CHAMP1: variants seen among roughly 807,000 people sequenced by gnomAD.
The protein encoded by CHAMP1 is chromosome alignment-maintaining phosphoprotein 1.
Under a neutral mutation model 54.5 loss-of-function variants are expected in CHAMP1, and 4 were observed. The observed-to-expected ratio is 0.07, with a 90% confidence interval of 0.04 to 0.17. CHAMP1 has a LOEUF of 0.17. CHAMP1 is among the 10% of genes least tolerant of loss of function. The pLI is 1.00. For synonymous variants in CHAMP1, 368 were observed against 342.2 expected, an observed-to-expected ratio of 1.08 and a Z score of -0.83; for missense variants, 994 against 968.6, an observed-to-expected ratio of 1.03 and a Z score of -0.35.
chr13:114,324,205 A>C lies in CHAMP1; in HGVS notation c.363A>C (p.Ser121=). Residue 121 remains serine (S), a synonymous_variant, in exon 3 of 3, where the codon TCA becomes TCC. Transcript: ENST00000361283. ...LPEHQKIPCN[S]AEPKSIPALS... ...AACACCAGAAAATACCCTGCAATTC[A>C]GCAGAACCAAAATCCATACCTGCCC... The C allele has an allele frequency of 1.2e-6, 2 of 1,614,222 alleles. No homozygotes were observed. Among genetic ancestry groups the C allele is most frequent in the Admixed American group, 1.7e-5 (1 of 60,030 alleles).
At chr13:114,321,539 T>G (rs2087172432) in intron 2 of CHAMP1, among the ~76,000 whole-genome samples, 1 of 152,174 alleles carries the variant, frequency 6.6e-6, no homozygotes, top group Non-Finnish European at 1.5e-5. Context: ...GCTCTTAGTC[T>G]CTGTTGTAAT....
At chr13:114,318,634 A>G (rs2087129403) in intron 1 of CHAMP1, among the ~76,000 whole-genome samples, 1 of 151,918 alleles carries the variant, frequency 6.6e-6, no homozygotes, top group Non-Finnish European at 1.5e-5. Context: ...TGATCATCAG[A>G]TTCTAATTAT....
chr13:114,315,155 C>T (rs1360750040), intron 1 of CHAMP1, among the ~76,000 whole-genome samples: 5 of 152,006 alleles, frequency 3.3e-5, no homozygotes, highest in Non-Finnish European at 7.4e-5. Flanking sequence ...AGACAAATGG[C>T]CAATAAGCAC....
At chr13:114,316,088 G>A (rs1266253667) in intron 1 of CHAMP1, among the ~76,000 whole-genome samples, 1 of 151,504 alleles carries the variant, frequency 6.6e-6, no homozygotes, top group African/African-American at 2.4e-5. Context: ...CACCCGCCTC[G>A]GCCTTCCAAA....
chr13:114,316,461 G>A (rs75793989), intron 1 of CHAMP1, among the ~76,000 whole-genome samples: 23,171 of 151,108 alleles, frequency 0.15, 2,510 homozygotes, highest in African/African-American at 0.31. Context: ...GTGGTGGCGC[G>A]CGCCTGTAGT....
intron 1 of CHAMP1, among the ~76,000 whole-genome samples, chr13:114,316,171 G>T (rs2087096912): frequency 6.6e-6 from 1 of 151,136 alleles, no homozygotes; most frequent in Non-Finnish European, 1.5e-5. Context: ...TTTTGTTTTT[G>T]TTTTTTAATG....
chr13:114,319,497 A>T (rs966395358), intron 1 of CHAMP1, among the ~76,000 whole-genome samples: 2 of 152,248 alleles, frequency 1.3e-5, no homozygotes, highest in African/African-American at 4.8e-5. Flanking sequence ...CCAGAGGGTG[A>T]CATGTACAGC....
intron 2 of CHAMP1, among the ~76,000 whole-genome samples, chr13:114,321,820 A>G (rs782796437): frequency 6.6e-6 from 1 of 152,156 alleles, no homozygotes; most frequent in South Asian, 2.1e-4. Context: ...CCTGGCCCCA[A>G]AACAGTTTTC....
intron 1 of CHAMP1, among the ~76,000 whole-genome samples, chr13:114,315,962 A>G (rs2087094157): frequency 6.7e-6 from 1 of 149,630 alleles, no homozygotes; most frequent in Non-Finnish European, 1.5e-5. Context: ...TCATTCTCCC[A>G]AGTAGCTGGC....
At chr13:114,317,678 T>G (rs543439645) in intron 1 of CHAMP1, among the ~76,000 whole-genome samples, 56 of 152,296 alleles carry the variant, frequency 3.7e-4, no homozygotes, top group South Asian at 1.0e-3. Context: ...GTGTATAGAC[T>G]AATAGAACCC....
chr13:114,323,729 G>A, intron 2 of CHAMP1, 59 bp from the exon 3 acceptor site: 1 of 1,338,862 alleles, frequency 7.5e-7, no homozygotes. Flanking sequence ...AGAATGGACT[G>A]ACAGCATTTT....
Position 114,324,083 on chromosome 13 carries a change from A to G in CHAMP1, c.241A>G (p.Ile81Val), listed in dbSNP as rs1555379347. 1 of 1,614,242 alleles carries G rather than the reference A, an allele frequency of 6.2e-7. No homozygotes were observed. The highest frequency in any genetic ancestry group is 2.2e-5 in the East Asian group (1 of 44,894). The part of the protein sequence containing the change: ...SKMYSNVYYH[I>V]TSKHASPDKW... ...GATGTACTCTAATGTATACTATCACATCACATCCAAACATGCATCCCCAGA... is the reference window on the plus strand; with the variant it reads ...GATGTACTCTAATGTATACTATCACGTCACATCCAAACATGCATCCCCAGA... Residue 81 changes from isoleucine (I) to valine (V), a missense_variant, in exon 3 of 3, where the codon ATC (isoleucine) becomes GTC (valine). Physicochemically the swap from Ile to Val is conservative, Grantham distance 29. Transcript: ENST00000361283.
At chr13:114,319,082 C>T (rs117584110) in intron 1 of CHAMP1, among the ~76,000 whole-genome samples, 1,649 of 152,030 alleles carry the variant, frequency 0.011, 89 homozygotes, top group Admixed American at 0.075. Flanking sequence ...ATTGTACAGG[C>T]TTTAAAAGAT....
Position 114,325,646 on chromosome 13 carries a change from GCTTCAC to G in CHAMP1, c.1807_1812del (p.Ser603_Pro604del). ...TATTTTGGTTCAGGAAGAACTTCTA[GCTTCAC>G]CTAAGAAACTCTTAGAAGATACTTT... On this transcript the variant is annotated inframe_deletion, in exon 3 of 3. Transcript: ENST00000361283. 6.2e-7 allele frequency: 1 copy of G among 1,614,182 alleles called. No homozygotes were observed. The highest frequency in any genetic ancestry group is 8.5e-7 in the Non-Finnish European group (1 of 1,180,032).
chr13:114,316,256 C>G (rs563183559), intron 1 of CHAMP1, among the ~76,000 whole-genome samples: 5 of 145,780 alleles, frequency 3.4e-5, no homozygotes, highest in African/African-American at 1.3e-4. Context: ...CTCCGTCTCT[C>G]GGATTTAAGC....
At position 114,325,709 on chromosome 13, in the gene CHAMP1, A is replaced by C; in HGVS notation, c.1867A>C (p.Asn623His). ...FPSSKKLKKD[N>H]QESSDAELSS... The stretch of plus-strand genomic sequence containing the variant: ...TTCCTCAAAGAAGCTCAAGAAAGAC[A>C]ACCAAGAGAGCTCAGACGCTGAGCT... The change falls in exon 3 of 3, where the codon AAC becomes CAC. Residue 623 changes from asparagine to histidine, a missense_variant. Physicochemically the swap from Asn to His is moderately conservative, Grantham distance 68. Coordinates refer to ENST00000361283, the MANE Select transcript of CHAMP1 (RefSeq NM_032436.4). 1.9e-6 allele frequency: 3 copies of C among 1,613,946 alleles called. No homozygotes were observed. The highest frequency in any genetic ancestry group is 2.5e-6 in the Non-Finnish European group (3 of 1,179,968).
At chr13:114,318,344 A>G (rs924655563) in intron 1 of CHAMP1, among the ~76,000 whole-genome samples, 17 of 147,952 alleles carry the variant, frequency 1.1e-4, no homozygotes, top group African/African-American at 4.0e-4. Context: ...CTTTTTTGAG[A>G]CAGGGTCTCA....
Position 114,325,067 on chromosome 13 carries a change from T to G in CHAMP1, c.1225T>G (p.Trp409Gly). Residue 409 changes from tryptophan (W) to glycine (G), a missense_variant, in exon 3 of 3, where the codon TGG becomes GGG. This residue lies in a region of CHAMP1 where 851 missense variants were observed against 701.3 expected (regional missense o/e 1.21). Coordinates refer to ENST00000361283, the MANE Select transcript of CHAMP1 (RefSeq NM_032436.4). ...AGCTCCCACGTTGTCTCCTGAACAT[T>G]GGAAGGCAGTTCCCCCAGTGTCTCC... is the stretch of plus-strand genomic sequence containing the variant. ...KTAPTLSPEHWKAVPPVSPEL... is the reference protein window; with the variant it reads ...KTAPTLSPEHGKAVPPVSPEL... 1.2e-6 allele frequency: 2 copies of G among 1,614,054 alleles called. No homozygotes were observed. Among genetic ancestry groups the G allele is most frequent in the Non-Finnish European group, 1.7e-6 (2 of 1,180,004 alleles).
intron 1 of CHAMP1, among the ~76,000 whole-genome samples, chr13:114,319,918 G>A (rs1003724881): frequency 2.0e-5 from 3 of 152,196 alleles, no homozygotes; most frequent in Non-Finnish European, 4.4e-5. Flanking sequence ...ATGCAGTCTG[G>A]TCATGGGCCA....
Sources: gnomAD v4.1 joint callset for allele counts (sites outside exome capture counted in the v4.1 genomes callset) on GRCh38, gnomAD v4.1.1 for gene constraint, gnomAD v4.1.1 regional missense constraint, MANE v1.5 for transcripts, NCBI Gene and HGNC (gene_info 2026-07-23, HGNC 2026-07-21) for gene names.